The following ERBB4 variants were observed in gnomAD, a reference collection of about 807,000 sequenced individuals.
ERBB4 encodes erb-b2 receptor tyrosine kinase 4, also known as receptor tyrosine-protein kinase erbB-4.
In ERBB4, 42 loss-of-function variants were observed where a neutral mutation model predicts 158.0. That is an observed-to-expected ratio of 0.27 (90% CI 0.21 to 0.34). The LOEUF (loss-of-function observed/expected upper bound fraction) is 0.34, where lower values mean the gene tolerates loss of function less well. Ranked by LOEUF, ERBB4 falls within the 10% of genes least tolerant of loss-of-function variation. ERBB4 has a pLI of 1.00. For synonymous variants in ERBB4, 583 were observed against 558.7 expected (o/e 1.04, Z -0.61); for missense variants, 1,333 against 1,624.1 (o/e 0.82, Z 3.08).
At chr2:211,718,108 C>T (rs1341424595) in intron 7 of ERBB4, among the ~76,000 whole-genome samples, 1 of 152,068 alleles carries the variant, frequency 6.6e-6, no homozygotes, top group Non-Finnish European at 1.5e-5. Context: ...GATGGGGTTT[C>T]ACTATGTTGG....
chr2:212,350,961 T>A (rs1323416486), intron 1 of ERBB4, among the ~76,000 whole-genome samples: 1 of 152,120 alleles, frequency 6.6e-6, no homozygotes. Flanking sequence ...CATATCTCCA[T>A]GGAGCAGGGA....
chr2:211,957,612 C>A (rs954144202), intron 2 of ERBB4, among the ~76,000 whole-genome samples: 1 of 152,038 alleles, frequency 6.6e-6, no homozygotes, highest in Non-Finnish European at 1.5e-5. Context: ...GTCTCCAAAT[C>A]CTAGGATTAT....
intron 1 of ERBB4, among the ~76,000 whole-genome samples, chr2:212,155,544 T>A (rs2081010161): frequency 6.6e-6 from 1 of 152,114 alleles, no homozygotes; most frequent in Non-Finnish European, 1.5e-5. Flanking sequence ...GCACCCATAA[T>A]TCTGCATTTT....
chr2:212,214,137 C>G (rs963758251), intron 1 of ERBB4, among the ~76,000 whole-genome samples: 2 of 151,732 alleles, frequency 1.3e-5, no homozygotes, highest in Non-Finnish European at 2.9e-5. Context: ...ATTAAATATT[C>G]AAATTAACAC....
chr2:211,524,315 C>T (rs1344383840), intron 20 of ERBB4, among the ~76,000 whole-genome samples: 4 of 152,184 alleles, frequency 2.6e-5, no homozygotes, highest in Non-Finnish European at 5.9e-5. Context: ...GCTGGCTTCA[C>T]CCAGTGGATC....
At chr2:211,840,094 A>G (rs1478212054) in intron 3 of ERBB4, among the ~76,000 whole-genome samples, 2 of 152,026 alleles carry the variant, frequency 1.3e-5, no homozygotes, top group East Asian at 1.9e-4. Flanking sequence ...CCCAAATCTC[A>G]TCTTGAATTG....
chr2:212,116,531 T>A (rs2079576844), intron 2 of ERBB4, among the ~76,000 whole-genome samples: 1 of 152,200 alleles, frequency 6.6e-6, no homozygotes, highest in Non-Finnish European at 1.5e-5. Flanking sequence ...CTCTGCAGCC[T>A]CCAACTCTTG....
chr2:211,532,244 CAAT>C (rs1344744661), intron 20 of ERBB4, among the ~76,000 whole-genome samples: 3 of 151,844 alleles, frequency 2.0e-5, no homozygotes, highest in South Asian at 2.1e-4. Context: ...TGCCTATCGT[CAAT>C]AATAATTTAA....
intron 20 of ERBB4, among the ~76,000 whole-genome samples, chr2:211,515,912 A>ATATATATATATATTTTTTTTTTTT (rs35696520): frequency 1.3e-5 from 1 of 78,976 alleles, no homozygotes; most frequent in African/African-American, 5.7e-5. Flanking sequence ...ATATATATAT[A>ATATATATATATATTTTTTTTTTTT]TTTTTTTTTT....
At chr2:211,531,478 C>G (rs2066497681) in intron 20 of ERBB4, among the ~76,000 whole-genome samples, 1 of 152,072 alleles carries the variant, frequency 6.6e-6, no homozygotes, top group East Asian at 1.9e-4. Flanking sequence ...ATCTAATAAT[C>G]TGTTCAAAAA....
chr2:212,360,189 T>C (rs1024745273), intron 1 of ERBB4, among the ~76,000 whole-genome samples: 2 of 146,604 alleles, frequency 1.4e-5, no homozygotes, highest in African/African-American at 5.3e-5. Context: ...TCTTTACATC[T>C]AATAGACTTC....
chr2:211,904,945 A>G (rs1276718734), intron 3 of ERBB4, among the ~76,000 whole-genome samples: 1 of 152,146 alleles, frequency 6.6e-6, no homozygotes, highest in Non-Finnish European at 1.5e-5. Context: ...AGAATCACTG[A>G]CTCAGGCAAA....
chr2:211,799,314 AATGTGT>A (rs1217558659), intron 3 of ERBB4, among the ~76,000 whole-genome samples: 1 of 152,196 alleles, frequency 6.6e-6, no homozygotes, highest in Non-Finnish European at 1.5e-5. Flanking sequence ...ATAGCTCTGT[AATGTGT>A]ATTACCATGT....
chr2:212,355,364 G>T (rs2089424195), intron 1 of ERBB4, among the ~76,000 whole-genome samples: 1 of 152,030 alleles, frequency 6.6e-6, no homozygotes, highest in Admixed American at 6.6e-5. Context: ...TCTGCATGGT[G>T]AGGGGAAACA....
chr2:212,452,753 C>G (rs1463950978), intron 1 of ERBB4, among the ~76,000 whole-genome samples: 1 of 152,120 alleles, frequency 6.6e-6, no homozygotes, highest in Non-Finnish European at 1.5e-5. Context: ...GTTTAAAATT[C>G]ATTTGACCAA....
chr2:212,340,530 G>A (rs1560061204), intron 1 of ERBB4, among the ~76,000 whole-genome samples: 1 of 152,152 alleles, frequency 6.6e-6, no homozygotes, highest in Non-Finnish European at 1.5e-5. Flanking sequence ...CAGATCATCA[G>A]GCATTAGATT....
At chr2:211,425,531 C>T (rs1054661603) in intron 22 of ERBB4, among the ~76,000 whole-genome samples, 7 of 151,742 alleles carry the variant, frequency 4.6e-5, no homozygotes, top group African/African-American at 1.7e-4. Context: ...TAAGGAGAAG[C>T]TCCTAAAATC....
At chr2:211,781,417 G>A (rs1245593769) in intron 4 of ERBB4, among the ~76,000 whole-genome samples, 1 of 152,092 alleles carries the variant, frequency 6.6e-6, no homozygotes, top group Non-Finnish European at 1.5e-5. Flanking sequence ...GTTGTTAGTT[G>A]GTATTTGGTT....
At chr2:211,644,389 C>G (rs1329692447) in intron 16 of ERBB4, among the ~76,000 whole-genome samples, 2 of 151,774 alleles carry the variant, frequency 1.3e-5, no homozygotes, top group Non-Finnish European at 2.9e-5. Flanking sequence ...AAGCTATTGC[C>G]TAGGCGATGT....
Sources: gnomAD v4.1 joint callset for allele counts (sites outside exome capture counted in the v4.1 genomes callset) on GRCh38, gnomAD v4.1.1 for gene constraint, MANE v1.5 for transcripts, NCBI Gene and HGNC (gene_info 2026-07-23, HGNC 2026-07-21) for gene names.